Variants in CD44 observed in about 807,000 individuals in gnomAD.
CD44 encodes CD44 molecule (IN blood group).
Under a neutral mutation model 88.8 loss-of-function variants are expected in CD44, and 49 were observed. The observed-to-expected ratio is 0.55, with a 90% CI of 0.44 to 0.70. CD44 has a LOEUF of 0.70. CD44 is among the 30% of genes least tolerant of loss of function. CD44 has a pLI of 0.00. For missense variants in CD44, 883 were observed against 913.8 expected (o/e 0.97, Z 0.43); for synonymous variants, 325 against 312.3 (o/e 1.04, Z -0.43).
chr11:35,176,772 G>A, intron 2 of CD44, 32 bp downstream of exon 2: 3 of 1,602,514 alleles, frequency 1.9e-6, no homozygotes, highest in South Asian at 1.1e-5. Context: ...ACTGGGGAAA[G>A]CTGGCGGCCT....
intron 16 of CD44, among the ~76,000 whole-genome samples, chr11:35,220,172 A>C (rs1352275476): frequency 6.6e-6 from 1 of 152,178 alleles, no homozygotes; most frequent in African/African-American, 2.4e-5. Context: ...CAGCTTGCCT[A>C]AGCACACCTG....
At chr11:35,155,510 T>C (rs977700669) in intron 1 of CD44, among the ~76,000 whole-genome samples, 2 of 152,138 alleles carry the variant, frequency 1.3e-5, no homozygotes, top group Admixed American at 1.3e-4. Context: ...ACACTGCAGT[T>C]TGAGGTTTAG....
intron 3 of CD44, among the ~76,000 whole-genome samples, chr11:35,181,790 T>TA (rs1565079631): frequency 8.7e-6 from 1 of 114,668 alleles, no homozygotes; most frequent in Non-Finnish European, 1.7e-5. Flanking sequence ...TTATATAAAT[T>TA]TATATATAAA....
chr11:35,190,274 T>G (rs1232985342), intron 5 of CD44: 2 of 589,376 alleles, frequency 3.4e-6, no homozygotes, highest in East Asian at 2.8e-5. Flanking sequence ...CATCTATAAC[T>G]GTTTTTCTTA....
intron 7 of CD44, among the ~76,000 whole-genome samples, chr11:35,200,369 C>T (rs997105170): frequency 2.0e-5 from 3 of 152,086 alleles, no homozygotes; most frequent in Middle Eastern, 3.2e-3. Context: ...TGGATGTACG[C>T]CTCTTTCTTT....
At chr11:35,181,937 T>TATATATTATATATTATATATTA in intron 3 of CD44, among the ~76,000 whole-genome samples, 1 of 66,910 alleles carries the variant, frequency 1.5e-5, no homozygotes, top group African/African-American at 6.2e-5. Flanking sequence ...TATATATAAA[T>TATATATTATATATTATATATTA]TATATATAAT....
intron 4 of CD44, among the ~76,000 whole-genome samples, chr11:35,188,175 T>A (rs911157270): frequency 6.6e-6 from 1 of 152,234 alleles, no homozygotes; most frequent in African/African-American, 2.4e-5. Flanking sequence ...ACAGGCATGA[T>A]GTTGGCAGTG....
At position 35,201,672 on chromosome 11, in the gene CD44, T is replaced by G. The variant is rs1296620063; in HGVS notation, c.1038T>G (p.Asp346Glu). ...TGTATTTAACCATCATCACAGCAGA[T>G]GTAGACAGAAATGGCACCACTGCTT... Reference protein sequence around the residue: ...VLLQTTTRMTDVDRNGTTAYE... With the variant: ...VLLQTTTRMTEVDRNGTTAYE... Residue 346 changes from aspartate (D) to glutamate (E), a missense_variant and splice_region_variant, in exon 9 of 18, where the codon GAT becomes GAG. By Grantham distance (45) the Asp-to-Glu change is conservative. Around this residue, in one of 2 missense-constraint regions of CD44, gnomAD observed 631 missense variants for 590.9 expected, o/e 1.07. Coordinates refer to ENST00000428726, the MANE Select transcript of CD44 (RefSeq NM_000610.4). 6 of 1,613,646 alleles carry G rather than the reference T, an allele frequency of 3.7e-6. No individual in the cohort carries two copies. The highest frequency in any genetic ancestry group is 4.5e-5 in the East Asian group (2 of 44,844).
chr11:35,211,569 ATCTT>A, intron 14 of CD44, 120 bp downstream of exon 14: 1 of 678,792 alleles, frequency 1.5e-6, no homozygotes, highest in Non-Finnish European at 2.5e-6. Context: ...ATATGGAAAT[ATCTT>A]TCATTATTGG....
chr11:35,159,573 A>C (rs1041216203), intron 1 of CD44, among the ~76,000 whole-genome samples: 37 of 152,294 alleles, frequency 2.4e-4, no homozygotes, highest in Non-Finnish European at 4.7e-4. Flanking sequence ...GGGAAAAAAA[A>C]CGGACATTTA....
At chr11:35,176,039 ATTT>A (rs201610565) in intron 1 of CD44, among the ~76,000 whole-genome samples, 12 of 102,206 alleles carry the variant, frequency 1.2e-4, no homozygotes, top group African/African-American at 2.5e-4. Flanking sequence ...TAATTTTTGT[ATTT>A]TTTTTTTTTT....
intron 1 of CD44, among the ~76,000 whole-genome samples, chr11:35,163,374 G>A (rs1942881593): frequency 1.3e-5 from 2 of 152,138 alleles, no homozygotes; most frequent in Non-Finnish European, 2.9e-5. Context: ...GGATTACAAG[G>A]CAGTTAGTGC....
chr11:35,156,681 A>T (rs1021926014), intron 1 of CD44, among the ~76,000 whole-genome samples: 3 of 152,228 alleles, frequency 2.0e-5, no homozygotes, highest in Admixed American at 6.5e-5. Flanking sequence ...TTCCCTTTCC[A>T]CTGAGCTTGG....
intron 15 of CD44, 54 bp downstream of exon 15, chr11:35,214,968 T>C: frequency 8.8e-7 from 1 of 1,140,906 alleles, no homozygotes; most frequent in Non-Finnish European, 1.2e-6. Flanking sequence ...AGCCTAATGA[T>C]GACTACCAAC....
chr11:35,218,026 G>A (rs940844448), intron 15 of CD44, among the ~76,000 whole-genome samples: 6 of 152,096 alleles, frequency 3.9e-5, no homozygotes, highest in Non-Finnish European at 5.9e-5. Context: ...GGACTCAAGA[G>A]ATCCTCCTGT....
chr11:35,226,189 G>A (rs982707338), intron 17 of CD44, among the ~76,000 whole-genome samples: 1 of 152,266 alleles, frequency 6.6e-6, no homozygotes, highest in South Asian at 2.1e-4. Flanking sequence ...CAAAAACCAA[G>A]CACAATATTC....
chr11:35,173,692 T>C (rs1944154865), intron 1 of CD44, among the ~76,000 whole-genome samples: 1 of 152,246 alleles, frequency 6.6e-6, no homozygotes, highest in South Asian at 2.1e-4. Flanking sequence ...AACAGTTTTC[T>C]TACCTCATTT....
chr11:35,228,389 G>A (rs1018830521), intron 17 of CD44, among the ~76,000 whole-genome samples: 3 of 152,078 alleles, frequency 2.0e-5, no homozygotes, highest in Non-Finnish European at 2.9e-5. Context: ...TATTCTTCTC[G>A]ATACATTCAG....
At chr11:35,185,561 C>T (rs892734033) in intron 3 of CD44, among the ~76,000 whole-genome samples, 1 of 150,066 alleles carries the variant, frequency 6.7e-6, no homozygotes, top group African/African-American at 2.5e-5. Flanking sequence ...TGTCTGTCTG[C>T]CTGCCTGTCT....
Sources: gnomAD v4.1 joint callset for allele counts (sites outside exome capture counted in the v4.1 genomes callset) on GRCh38, gnomAD v4.1.1 for gene constraint, gnomAD v4.1.1 regional missense constraint, MANE v1.5 for transcripts, NCBI Gene and HGNC (gene_info 2026-07-23, HGNC 2026-07-21) for gene names.